RUFY1: variants seen among roughly 807,000 people sequenced by gnomAD.
The protein encoded by RUFY1 is RUN and FYVE domain-containing protein 1.
In RUFY1, 54 loss-of-function variants were observed where a neutral mutation model predicts 94.6. The ratio of observed to expected loss-of-function variants is 0.57; its 90% CI spans 0.46 to 0.72. The LOEUF (loss-of-function observed/expected upper bound fraction) is 0.72. Among genes scored for constraint, RUFY1 ranks in the 30% least tolerant of loss-of-function variants. The pLI is 0.00. For missense variants in RUFY1, 883 were observed against 883.9 expected, an observed-to-expected ratio of 1.00 and a Z score of 0.01; for synonymous variants, 396 against 347.3, an observed-to-expected ratio of 1.14 and a Z score of -1.56.
Position 179,585,831 on chromosome 5 carries a change from G to A in RUFY1, c.992G>A (p.Gly331Asp). 1.9e-6 allele frequency: 3 copies of A among 1,613,894 alleles called. No individual in the cohort carries two copies. Among genetic ancestry groups the A allele is most frequent in the Middle Eastern group, 1.6e-4 (1 of 6,062 alleles). Residue 331 changes from glycine (G) to aspartate (D), a missense_variant, in exon 8 of 18, where the codon GGC (glycine) becomes GAC (aspartate). Gly to Asp is a moderately conservative substitution (Grantham distance 94, BLOSUM62 -1). Coordinates refer to ENST00000319449, the MANE Select transcript of RUFY1 (RefSeq NM_025158.5). ...TVGDLQTKID[G>D]LEKTNSKLQE... is the part of the protein sequence containing the mutation. ...GGGGATCTTCAAACCAAGATAGATG[G>A]CTTGGAAAAGACTAACTCAAAGCTT...
At chr5:179,607,785 G>A in intron 17 of RUFY1, 126 bp downstream of exon 17, 1 of 780,770 alleles carries the variant, frequency 1.3e-6, no homozygotes, top group Admixed American at 2.3e-5. Flanking sequence ...GACTGTGGCA[G>A]ATGGGCAGCC....
chr5:179,586,155 A>G (rs1464923102), intron 8 of RUFY1, among the ~76,000 whole-genome samples: 1 of 152,158 alleles, frequency 6.6e-6, no homozygotes, highest in South Asian at 2.1e-4. Context: ...GTGTTGTGGA[A>G]GTGCCGTGTC....
chr5:179,558,624 CT>C (rs989169008), intron 1 of RUFY1, among the ~76,000 whole-genome samples: 3 of 151,868 alleles, frequency 2.0e-5, no homozygotes, highest in African/African-American at 7.3e-5. Context: ...ACTTAAGCCA[CT>C]TTTAACCCTC....
intron 1 of RUFY1, among the ~76,000 whole-genome samples, chr5:179,557,629 G>T (rs1417380231): frequency 6.6e-6 from 1 of 152,026 alleles, no homozygotes; most frequent in Non-Finnish European, 1.5e-5. Flanking sequence ...CAAATACTTA[G>T]CTGCAGTTTG....
intron 6 of RUFY1, among the ~76,000 whole-genome samples, chr5:179,580,432 C>T (rs867747806): frequency 2.4e-4 from 37 of 151,466 alleles, no homozygotes; most frequent in African/African-American, 6.3e-4. Context: ...TTAGTAGAGA[C>T]GGGGTTTCAC....
chr5:179,607,874 C>T (rs1767275960), intron 17 of RUFY1, among the ~76,000 whole-genome samples: 1 of 152,184 alleles, frequency 6.6e-6, no homozygotes, highest in Admixed American at 6.5e-5. Context: ...AGTCATAGGC[C>T]CCTGGTCTCC....
chr5:179,588,299 G>C (rs1443751998), intron 8 of RUFY1, among the ~76,000 whole-genome samples: 1 of 152,128 alleles, frequency 6.6e-6, no homozygotes, highest in African/African-American at 2.4e-5. Context: ...GAATGATGCC[G>C]AGAGCCAGCC....
chr5:179,593,207 A>G (rs1481635865), intron 10 of RUFY1, among the ~76,000 whole-genome samples: 8 of 152,100 alleles, frequency 5.3e-5, no homozygotes, highest in Non-Finnish European at 1.0e-4. Context: ...TCCTGAGAGT[A>G]GCTGGGATTA....
At chr5:179,595,112 G>A (rs28410430) in intron 12 of RUFY1, 149 bp downstream of exon 12, 409,317 of 590,734 alleles carry the variant, frequency 0.69, 143,537 homozygotes, top group East Asian at 0.82. Flanking sequence ...GGAGGCCGAC[G>A]CGGGAGGATC....
chr5:179,587,415 C>G (rs1562047273), intron 8 of RUFY1, among the ~76,000 whole-genome samples: 2 of 133,640 alleles, frequency 1.5e-5, no homozygotes, highest in African/African-American at 2.9e-5. Flanking sequence ...GAGTCTTGCT[C>G]TGTCTCCCAG....
intron 16 of RUFY1, chr5:179,606,242 A>C: frequency 2.6e-6 from 1 of 386,646 alleles, no homozygotes; most frequent in South Asian, 2.8e-5. Context: ...ATCTTTAAAC[A>C]GTGGAAAACA....
intron 3 of RUFY1, among the ~76,000 whole-genome samples, chr5:179,565,098 G>A (rs1399843374): frequency 6.6e-6 from 1 of 151,842 alleles, no homozygotes; most frequent in Admixed American, 6.6e-5. Context: ...TAGTGTATAG[G>A]GGAGGGGGAT....
At chr5:179,598,400 C>T (rs1581543974) in intron 13 of RUFY1, 1 of 355,368 alleles carries the variant, frequency 2.8e-6, no homozygotes, top group East Asian at 5.7e-5. Flanking sequence ...TTCCTTTCCT[C>T]AGGTCTCCAT....
chr5:179,604,983 C>CA (rs199950744), intron 15 of RUFY1, among the ~76,000 whole-genome samples: 23,952 of 123,066 alleles, frequency 0.19, 2,132 homozygotes, highest in Middle Eastern at 0.34. Flanking sequence ...GACTCCATCT[C>CA]AAAAAAAAAA....
At chr5:179,575,981 G>A (rs748017248) in intron 5 of RUFY1, among the ~76,000 whole-genome samples, 1 of 151,990 alleles carries the variant, frequency 6.6e-6, no homozygotes, top group African/African-American at 2.4e-5. Context: ...GGGTCTCACT[G>A]TGTTGCCCAG....
At chr5:179,569,097 G>A (rs1561988335) in intron 4 of RUFY1, 3 of 982,376 alleles carry the variant, frequency 3.1e-6, no homozygotes, top group East Asian at 2.4e-4. Flanking sequence ...GGAGAGGCGA[G>A]CCCATTCTAA....
intron 7 of RUFY1, 148 bp downstream of exon 7, chr5:179,581,160 A>G: frequency 1.6e-6 from 1 of 606,688 alleles, no homozygotes; most frequent in Non-Finnish European, 2.9e-6. Flanking sequence ...TTATTTGTAC[A>G]AACTGAAGAA....
Position 179,569,397 on chromosome 5 carries a change from GC to G in RUFY1, c.801del (p.Leu268Ter). The G allele has an allele frequency of 6.2e-7, 1 of 1,613,606 alleles. No individual in the cohort carries two copies. Among genetic ancestry groups the G allele is most frequent in the Non-Finnish European group, 8.5e-7 (1 of 1,179,954 alleles). On this transcript the variant is annotated frameshift_variant, in exon 5 of 18. Coordinates refer to ENST00000319449, the MANE Select transcript of RUFY1 (RefSeq NM_025158.5). LOFTEE classifies it high-confidence loss of function. ...VGLNVLDANL[C>X]LKGEDLDSQV... is the part of the protein sequence containing the mutation. ...CTCAATGTTCTCGATGCCAATCTCT[GC>G]TTGAAAGGAGAAGACTTGGATTCTC...
In RUFY1 at chr5:179,590,401, G is replaced by GT. The variant is rs1169189839; in HGVS notation, c.1128+755dup. Among the ~76,000 whole-genome samples, 4 of 152,048 alleles carry GT rather than the reference G, an allele frequency of 2.6e-5. No homozygotes were observed. The South Asian group carries it at 8.3e-4, about 32-fold the overall frequency. On this transcript the variant is annotated intron_variant, in intron 9 of 17. Transcript: ENST00000319449. Reference sequence around the variant, plus strand: ...TCTGATTGACTTCTAAATTCACTCAGTGCTAAAAACATGTTCATAAGTACT... The same window carrying GT: ...TCTGATTGACTTCTAAATTCACTCAGTTGCTAAAAACATGTTCATAAGTACT...
Sources: allele counts gnomAD v4.1 joint callset (sites outside exome capture counted in the v4.1 genomes callset), GRCh38; gene constraint gnomAD v4.1.1; transcripts MANE v1.5; gene names NCBI Gene and HGNC (gene_info 2026-07-23, HGNC 2026-07-21).